AGPAT3: variants seen among roughly 807,000 people sequenced by gnomAD.
AGPAT3 encodes 1-acyl-sn-glycerol-3-phosphate acyltransferase gamma.
In AGPAT3, 5 loss-of-function variants were observed where a neutral mutation model predicts 47.3. That is an observed-to-expected ratio of 0.11 (90% CI 0.06 to 0.22). The LOEUF is 0.22. Among genes scored for constraint, AGPAT3 ranks in the 10% least tolerant of loss-of-function variants. AGPAT3 has a pLI of 1.00. For synonymous variants in AGPAT3, 212 were observed against 208.3 expected (o/e 1.02, Z -0.15); for missense variants, 315 against 493.0 (o/e 0.64, Z 3.42).
chr21:43,916,053 GAA>G (rs1222475714), intron 2 of AGPAT3, among the ~76,000 whole-genome samples: 1 of 152,078 alleles, frequency 6.6e-6, no homozygotes, highest in East Asian at 1.9e-4. Context: ...TTTCAGTGTA[GAA>G]AACCCTGTTT....
chr21:43,914,832 G>A (rs960887504), intron 2 of AGPAT3, among the ~76,000 whole-genome samples: 1 of 152,056 alleles, frequency 6.6e-6, no homozygotes, highest in Non-Finnish European at 1.5e-5. Flanking sequence ...CTGAGCCACC[G>A]TGCCCAGTAC....
chr21:43,897,101 G>GCGGCCTTC (rs1328282533), intron 1 of AGPAT3, among the ~76,000 whole-genome samples: 2 of 151,984 alleles, frequency 1.3e-5, no homozygotes, highest in South Asian at 2.1e-4. Flanking sequence ...AGAGGACCCT[G>GCGGCCTTC]CGGCCTTCCG....
chr21:43,935,092 G>T (rs887056128), intron 2 of AGPAT3, among the ~76,000 whole-genome samples: 2 of 152,226 alleles, frequency 1.3e-5, no homozygotes, highest in Non-Finnish European at 2.9e-5. Flanking sequence ...GGCTGGACAG[G>T]GGGGGCTTCT....
chr21:43,865,881 G>A (rs1207293361), intron 1 of AGPAT3, among the ~76,000 whole-genome samples: 1 of 151,972 alleles, frequency 6.6e-6, no homozygotes, highest in Admixed American at 6.5e-5. Flanking sequence ...CAAGGGAGCA[G>A]TTTCACTTTT....
chr21:43,885,597 T>C (rs1336865210), intron 1 of AGPAT3, among the ~76,000 whole-genome samples: 2 of 152,116 alleles, frequency 1.3e-5, no homozygotes, highest in Non-Finnish European at 2.9e-5. Context: ...AAAATCAGGC[T>C]GGTCTCAAAC....
intron 3 of AGPAT3, chr21:43,966,629 G>A (rs2089142940): frequency 6.6e-6 from 1 of 152,268 alleles, no homozygotes; most frequent in Admixed American, 6.5e-5. Flanking sequence ...CTGTCTGCAG[G>A]CGTCTCTGGC....
Position 43,910,223 on chromosome 21 carries a change from C to T in AGPAT3, c.-49+6204C>T, listed in dbSNP as rs2086600662. Among the ~76,000 whole-genome samples the T allele has an allele frequency of 2.6e-5, 4 of 152,218 alleles. No individual in the cohort carries two copies. In the South Asian group the frequency reaches 8.3e-4, roughly 32 times the overall value. ...CTTTCTGGGGAGTGCGTGTTCAGCCCTGATGGCAGCCAAAGGTTTGTGCCA... is the reference window on the plus strand; with the variant it reads ...CTTTCTGGGGAGTGCGTGTTCAGCCTTGATGGCAGCCAAAGGTTTGTGCCA... On this transcript the variant is annotated intron_variant, in intron 2 of 9. Coordinates refer to ENST00000291572, the MANE Select transcript of AGPAT3 (RefSeq NM_020132.5).
intron 1 of AGPAT3, among the ~76,000 whole-genome samples, chr21:43,873,225 A>C (rs146511902): frequency 7.2e-5 from 11 of 152,312 alleles, no homozygotes; most frequent in African/African-American, 2.6e-4. Context: ...CCTGTCTCCA[A>C]ATAAAATGAA....
intron 3 of AGPAT3, among the ~76,000 whole-genome samples, chr21:43,964,377 T>C (rs1274794254): frequency 6.6e-6 from 1 of 151,648 alleles, no homozygotes; most frequent in Non-Finnish European, 1.5e-5. Flanking sequence ...TGTATTTTTA[T>C]TAGAGATGGG....
At chr21:43,980,929 A>G in intron 8 of AGPAT3, 60 bp from the exon 9 acceptor site, 4 of 1,472,094 alleles carry the variant, frequency 2.7e-6, no homozygotes, top group Non-Finnish European at 3.8e-6. Context: ...CTTCTCCTGC[A>G]TTGAAATAAT....
At chr21:43,945,985 G>A (rs1051950657) in intron 2 of AGPAT3, among the ~76,000 whole-genome samples, 1 of 152,132 alleles carries the variant, frequency 6.6e-6, no homozygotes, top group Non-Finnish European at 1.5e-5. Context: ...CCTTGTCCCC[G>A]CAGGACTCCC....
intron 1 of AGPAT3, among the ~76,000 whole-genome samples, chr21:43,886,093 G>T (rs1048136138): frequency 6.6e-6 from 1 of 152,228 alleles, no homozygotes; most frequent in African/African-American, 2.4e-5. Flanking sequence ...AGCACCTGCG[G>T]CCAGAGACTG....
intron 3 of AGPAT3, chr21:43,967,247 A>ACC (rs910584511): frequency 6.6e-6 from 1 of 152,258 alleles, no homozygotes; most frequent in African/African-American, 2.4e-5. Context: ...GGCTCCAAGA[A>ACC]CCCCTGGGTG....
intron 2 of AGPAT3, among the ~76,000 whole-genome samples, chr21:43,911,789 C>A (rs571105825): frequency 1.3e-5 from 2 of 152,336 alleles, no homozygotes; most frequent in African/African-American, 4.8e-5. Flanking sequence ...GCTAGCAGCT[C>A]CCCTGCAGTC....
rs566068812 is a variant in AGPAT3 at position 43,946,186 on chromosome 21, G to A, written c.-48-13448G>A. 2.0e-5 allele frequency among the ~76,000 whole-genome samples: 3 copies of A among 152,212 alleles called. No homozygotes were observed. In the East Asian group the frequency reaches 5.8e-4, roughly 29 times the overall value. On this transcript the variant is annotated intron_variant, in intron 2 of 9. Coordinates refer to ENST00000291572, the MANE Select transcript of AGPAT3 (RefSeq NM_020132.5). ...GTCTCTGATGGGATGAAGCAAAGTC[G>A]AGAACTTACGGTTTGTCTGGCTTTA...
At chr21:43,962,447 C>T (rs1319707788) in intron 3 of AGPAT3, among the ~76,000 whole-genome samples, 3 of 152,104 alleles carry the variant, frequency 2.0e-5, no homozygotes, top group Non-Finnish European at 2.9e-5. Context: ...CAAATATTAA[C>T]TGATGAAAAC....
intron 2 of AGPAT3, among the ~76,000 whole-genome samples, chr21:43,941,162 G>A (rs547990770): frequency 2.0e-5 from 3 of 152,316 alleles, no homozygotes; most frequent in Admixed American, 6.5e-5. Context: ...GCCGGAGAAC[G>A]AGGTGATTTC....
At chr21:43,867,677 G>A (rs901666751) in intron 1 of AGPAT3, 1 of 152,240 alleles carries the variant, frequency 6.6e-6, no homozygotes, top group Admixed American at 6.5e-5. Context: ...CTGTTATAAG[G>A]TATCGCCGGT....
At chr21:43,963,983 G>T (rs2089004393) in intron 3 of AGPAT3, among the ~76,000 whole-genome samples, 1 of 152,086 alleles carries the variant, frequency 6.6e-6, no homozygotes, top group Non-Finnish European at 1.5e-5. Flanking sequence ...ATTTTTTAAG[G>T]ATGTGTTTCA....
Sources: gnomAD v4.1 joint callset for allele counts (sites outside exome capture counted in the v4.1 genomes callset) on GRCh38, gnomAD v4.1.1 for gene constraint, MANE v1.5 for transcripts, NCBI Gene and HGNC (gene_info 2026-07-23, HGNC 2026-07-21) for gene names.